TOP1: variants seen among roughly 807,000 people sequenced by gnomAD.
The protein encoded by TOP1 is DNA topoisomerase 1.
In TOP1, 10 loss-of-function variants were observed where a neutral mutation model predicts 111.1. That is an observed-to-expected ratio of 0.09 (90% confidence interval 0.06 to 0.15). The LOEUF is 0.15. Ranked by LOEUF, TOP1 falls within the 10% of genes least tolerant of loss-of-function variation. The pLI is 1.00. For synonymous variants in TOP1, 271 were observed against 302.9 expected, an observed-to-expected ratio of 0.89 and a Z score of 1.10; for missense variants, 474 against 926.7, an observed-to-expected ratio of 0.51 and a Z score of 6.34.
rs1043502853 is a variant in TOP1 at position 41,067,774 on chromosome 20, A to G, written c.155+6284A>G. On this transcript the variant is annotated intron_variant, in intron 3 of 20. Transcript: ENST00000361337. This position sits in a 1 kb window ranked among gnomAD's most constrained non-coding sequence, Gnocchi z 4.0. Reference sequence around the variant, plus strand: ...GGAGGCATTTACTGTCCTGTGCAGTAGCAATACTGCAGACTTGGAGTGGGA... The same window carrying G: ...GGAGGCATTTACTGTCCTGTGCAGTGGCAATACTGCAGACTTGGAGTGGGA... 6.6e-6 allele frequency among the ~76,000 whole-genome samples: 1 copy of G among 152,248 alleles called. No homozygotes were observed. Among genetic ancestry groups the G allele is most frequent in the Non-Finnish European group, 1.5e-5 (1 of 68,048 alleles).
intron 13 of TOP1, among the ~76,000 whole-genome samples, chr20:41,111,299 C>T (rs1345703279): frequency 6.6e-6 from 1 of 152,168 alleles, no homozygotes; most frequent in East Asian, 1.9e-4. Context: ...TTATATCTCA[C>T]CTTTTCTTAT....
In TOP1 at chr20:41,116,419, C is replaced by CAAG; in HGVS notation, c.1822+27_1822+28insAAG. On this transcript the variant is annotated intron_variant, in intron 17 of 20. Coordinates refer to ENST00000361337, the MANE Select transcript of TOP1 (RefSeq NM_003286.4). The surrounding 1 kb of genome is among the most constrained non-coding windows in gnomAD (Gnocchi z 5.6). ...TAAGTATTGCTTGGCCAGATAGGGC[C>CAAG]CACACCCCTACTAATGGTATCCGGT... 6.4e-7 allele frequency: 1 copy of CAAG among 1,555,776 alleles called. No homozygotes were observed. Among genetic ancestry groups the CAAG allele is most frequent in the Non-Finnish European group, 8.9e-7 (1 of 1,127,050 alleles).
In TOP1 at chr20:41,080,136, T is replaced by C. The variant is rs377471701; in HGVS notation, c.387T>C (p.Pro129=). Residue 129 remains proline, a synonymous_variant, in exon 6 of 21, where the codon CCT becomes CCC. Coordinates refer to ENST00000361337, the MANE Select transcript of TOP1 (RefSeq NM_003286.4). This position sits in a 1 kb window ranked among gnomAD's most constrained non-coding sequence, Gnocchi z 5.0. The stretch of plus-strand genomic sequence containing the variant: ...AAGATGATGGCTATTTTGTTCCTCC[T>C]AAAGAGGATATAAAGCCATTAAAGA... ...EPEDDGYFVP[P]KEDIKPLKRP... is the part of the protein sequence containing the mutation. 12 of 1,611,622 alleles carry C rather than the reference T, an allele frequency of 7.4e-6. No homozygotes were observed. The highest frequency in any genetic ancestry group is 7.6e-6 in the Non-Finnish European group (9 of 1,178,952).
In TOP1 at chr20:41,034,285, T is replaced by A. The variant is rs533639748; in HGVS notation, c.58+4830T>A. On this transcript the variant is annotated intron_variant, in intron 2 of 20. Transcript: ENST00000361337. This position sits in a 1 kb window ranked among gnomAD's most constrained non-coding sequence, Gnocchi z 4.0. Reference sequence around the variant, plus strand: ...AATATTTGGAACTGTCTTTTCTCCCTATTTCCATGCCTCATACATCTCAAG... The same window carrying A: ...AATATTTGGAACTGTCTTTTCTCCCAATTTCCATGCCTCATACATCTCAAG... Among the ~76,000 whole-genome samples the A allele has an allele frequency of 2.6e-5, 4 of 152,364 alleles. No homozygotes were observed. The East Asian group carries it at 7.7e-4, about 29-fold the overall frequency.
chr20:41,093,275 A>C (rs2033942109), intron 9 of TOP1, among the ~76,000 whole-genome samples: 1 of 152,148 alleles, frequency 6.6e-6, no homozygotes, highest in South Asian at 2.1e-4. Flanking sequence ...AGATGGTAAT[A>C]ACTGATTTTC....
Position 41,123,142 on chromosome 20 carries a change from T to A in TOP1, c.2196-53T>A. On this transcript the variant is annotated intron_variant, in intron 20 of 20. Transcript: ENST00000361337. This position sits in a 1 kb window ranked among gnomAD's most constrained non-coding sequence, Gnocchi z 5.8. ...AACATCTGACCCTGGGCCTCAGATATGGGCCATTGCTGAGTCACCCTAATC... is the reference window on the plus strand; with the variant it reads ...AACATCTGACCCTGGGCCTCAGATAAGGGCCATTGCTGAGTCACCCTAATC... 1 of 1,239,598 alleles carries A rather than the reference T, an allele frequency of 8.1e-7. No individual in the cohort carries two copies. Among genetic ancestry groups the A allele is most frequent in the Non-Finnish European group, 1.2e-6 (1 of 842,548 alleles). 76.8% of individuals were successfully genotyped at this position (1,239,598 alleles called of 1,614,324 possible).
Position 41,101,315 on chromosome 20 carries a change from A to C in TOP1, c.1270A>C (p.Ile424Leu). 2 of 1,614,206 alleles carry C rather than the reference A, an allele frequency of 1.2e-6. No individual in the cohort carries two copies. Among genetic ancestry groups the C allele is most frequent in the Non-Finnish European group, 1.7e-6 (2 of 1,180,012 alleles). ...CTGGACAGAGAACATCCAAGGTTCC[A>C]TTAAATACATCATGCTTAACCCTAG... ...VSWTENIQGS[I>L]KYIMLNPSSR... The change falls in exon 13 of 21, where the codon ATT becomes CTT. Residue 424 changes from isoleucine to leucine, a missense_variant. By Grantham distance (5) the Ile-to-Leu change is conservative. Transcript: ENST00000361337. The surrounding 1 kb of genome is among the most constrained non-coding windows in gnomAD (Gnocchi z 4.1).
chr20:41,074,489 G>GTT (rs571318591), intron 3 of TOP1, among the ~76,000 whole-genome samples: 33 of 143,804 alleles, frequency 2.3e-4, no homozygotes, highest in East Asian at 1.2e-3. Context: ...GCATTGTTTT[G>GTT]TTTTTTTTTT....
chr20:41,029,284 G>A lies in TOP1; in HGVS notation c.34-147G>A. The A allele has an allele frequency of 1.3e-6, 1 of 796,200 alleles. No individual in the cohort carries two copies. Among genetic ancestry groups the A allele is most frequent in the African/African-American group, 1.8e-5 (1 of 55,088 alleles). The allele number at this position is 796,200 out of a possible 1,614,324, so 49.3% of individuals were successfully genotyped here. Reference sequence around the variant, plus strand: ...AGCGAGGGCCGCGAAGTTACAGTTCGAGGCAGGGATGGCTGCCCTCTGTGG... The same window carrying A: ...AGCGAGGGCCGCGAAGTTACAGTTCAAGGCAGGGATGGCTGCCCTCTGTGG... On this transcript the variant is annotated intron_variant, in intron 1 of 20. Transcript: ENST00000361337. The surrounding 1 kb of genome is among the most constrained non-coding windows in gnomAD (Gnocchi z 6.1).
chr20:41,102,401 G>C lies in TOP1; in HGVS notation c.1308+1048G>C, dbSNP rs2034077985. Among the ~76,000 whole-genome samples, 2 of 152,198 alleles carry C rather than the reference G, an allele frequency of 1.3e-5. No homozygotes were observed. Among genetic ancestry groups the C allele is most frequent in the Non-Finnish European group, 2.9e-5 (2 of 68,038 alleles). On this transcript the variant is annotated intron_variant, in intron 13 of 20. Coordinates refer to ENST00000361337, the MANE Select transcript of TOP1 (RefSeq NM_003286.4). The surrounding 1 kb of genome is among the most constrained non-coding windows in gnomAD (Gnocchi z 4.0). Reference sequence around the variant, plus strand: ...GAGATGGGCGGATCACCTGAGGTCAGGAGTTCGAGACCAGCCTGGACAACA... The same window carrying C: ...GAGATGGGCGGATCACCTGAGGTCACGAGTTCGAGACCAGCCTGGACAACA...
intron 2 of TOP1, among the ~76,000 whole-genome samples, chr20:41,050,209 G>A (rs2033387406): frequency 6.6e-6 from 1 of 152,166 alleles, no homozygotes; most frequent in Non-Finnish European, 1.5e-5. Context: ...GTAGAGATGG[G>A]CTTTCACCGT....
At chr20:41,066,061 T>A (rs1405156381) in intron 3 of TOP1, among the ~76,000 whole-genome samples, 4 of 152,206 alleles carry the variant, frequency 2.6e-5, no homozygotes, top group Non-Finnish European at 2.9e-5. Context: ...ATTTTTATAT[T>A]ACTAGGCTGT....
rs1377281983 is a variant in TOP1, at chr20:41,110,624, C to G, written c.1309-2158C>G. ...TTAGAGAGACAATATAGTGGGCCTA[C>G]TAGTTTTAAAAAGTCATCCAAAGAA... On this transcript the variant is annotated intron_variant, in intron 13 of 20. Coordinates refer to ENST00000361337, the MANE Select transcript of TOP1 (RefSeq NM_003286.4). The surrounding 1 kb of genome is among the most constrained non-coding windows in gnomAD (Gnocchi z 4.2). Among the ~76,000 whole-genome samples, 1 of 152,148 alleles carries G rather than the reference C, an allele frequency of 6.6e-6. No homozygotes were observed. The highest frequency in any genetic ancestry group is 2.4e-5 in the African/African-American group (1 of 41,434).
At chr20:41,048,454 A>T (rs904435013) in intron 2 of TOP1, among the ~76,000 whole-genome samples, 7 of 152,226 alleles carry the variant, frequency 4.6e-5, no homozygotes, top group Non-Finnish European at 1.0e-4. Flanking sequence ...GACAATTTTT[A>T]AAATTCATAG....
rs138263786 is a variant in TOP1, at chr20:41,123,928, CT to C, written c.*636del. ...AAAATATTTCCTGACTTGAGTGTTC[CT>C]TTTTAAATGTGAATTTTTATTTCTT... is the stretch of plus-strand genomic sequence containing the variant. On this transcript the variant is annotated 3_prime_UTR_variant, in exon 21 of 21. Transcript: ENST00000361337. This position sits in a 1 kb window ranked among gnomAD's most constrained non-coding sequence, Gnocchi z 5.8. 0.019 allele frequency: 4,462 copies of C among 232,126 alleles called. 52 individuals are homozygous for C. Among genetic ancestry groups the C allele is most frequent in the Non-Finnish European group, 0.028 (3,334 of 117,182 alleles). The allele number at this position is 232,126 out of a possible 1,614,324, so 14.4% of individuals were successfully genotyped here. A position where few individuals can be genotyped will look rare whatever the true frequency, so the allele number is the denominator to read the frequency against.
rs2033756755 is a variant in TOP1, at chr20:41,078,737, C to A, written c.335+1100C>A. On this transcript the variant is annotated intron_variant, in intron 5 of 20. Transcript: ENST00000361337. The surrounding 1 kb of genome is among the most constrained non-coding windows in gnomAD (Gnocchi z 5.3). Reference sequence around the variant, plus strand: ...TGGACTTGGTGCATAGTCATGAATTCATTTTCAGACTTTTTGGGTTAGAAG... The same window carrying A: ...TGGACTTGGTGCATAGTCATGAATTAATTTTCAGACTTTTTGGGTTAGAAG... 6.6e-6 allele frequency among the ~76,000 whole-genome samples: 1 copy of A among 152,170 alleles called. No homozygotes were observed. Among genetic ancestry groups the A allele is most frequent in the Non-Finnish European group, 1.5e-5 (1 of 68,032 alleles).
Position 41,071,984 on chromosome 20 carries a change from C to T in TOP1, c.156-4187C>T, listed in dbSNP as rs1185499207. Among the ~76,000 whole-genome samples, 1 of 152,200 alleles carries T rather than the reference C, an allele frequency of 6.6e-6. No individual in the cohort carries two copies. Among genetic ancestry groups the T allele is most frequent in the Non-Finnish European group, 1.5e-5 (1 of 68,030 alleles). ...TTCAGCATATCCCAGACTAAACTTA[C>T]TCTTAAAATATGTTTGTCCAACCTT... is the stretch of plus-strand genomic sequence containing the variant. On this transcript the variant is annotated intron_variant, in intron 3 of 20. Transcript: ENST00000361337. This position sits in a 1 kb window ranked among gnomAD's most constrained non-coding sequence, Gnocchi z 4.3.
In TOP1 at chr20:41,115,449, T is replaced by C. The variant is rs2145967333; in HGVS notation, c.1707+10T>C. ...TTTTGATAGACTCAATGTGAGTAGATGAAGCACACAATGTTGAAGGGAGTC... is the reference window on the plus strand; with the variant it reads ...TTTTGATAGACTCAATGTGAGTAGACGAAGCACACAATGTTGAAGGGAGTC... On this transcript the variant is annotated intron_variant, in intron 16 of 20. Transcript: ENST00000361337. The surrounding 1 kb of genome is among the most constrained non-coding windows in gnomAD (Gnocchi z 6.3). 1.9e-6 allele frequency: 3 copies of C among 1,606,620 alleles called. No individual in the cohort carries two copies. The highest frequency in any genetic ancestry group is 1.3e-5 in the African/African-American group (1 of 74,864).
chr20:41,096,157 C>A (rs1395596882), intron 9 of TOP1, among the ~76,000 whole-genome samples: 1 of 152,186 alleles, frequency 6.6e-6, no homozygotes, highest in Non-Finnish European at 1.5e-5. Flanking sequence ...ACCCCTGCCT[C>A]CTGGGTTCAA....
Sources: gnomAD v4.1 joint callset for allele counts (sites outside exome capture counted in the v4.1 genomes callset) on GRCh38, gnomAD v4.1.1 for gene constraint, Gnocchi (gnomAD v3.1) non-coding constraint, MANE v1.5 for transcripts, NCBI Gene and HGNC (gene_info 2026-07-23, HGNC 2026-07-21) for gene names.